Variants in GOLGA3 observed in about 807,000 individuals in gnomAD.
GOLGA3 encodes the protein golgin A3, also known as golgin subfamily A member 3.
GOLGA3 carries 75 observed loss-of-function variants against 169.4 expected under a neutral mutation model. The observed-to-expected ratio is 0.44, with a 90% confidence interval of 0.37 to 0.54. GOLGA3 has a LOEUF of 0.54. Among genes scored for constraint, GOLGA3 ranks in the 20% least tolerant of loss-of-function variants. The probability of loss-of-function intolerance (pLI) is 0.00; values close to 1 mark genes in which losing one functional copy is unlikely to be tolerated. For synonymous variants in GOLGA3, 824 were observed against 822.4 expected, an observed-to-expected ratio of 1.00 and a Z score of -0.03; for missense variants, 1,899 against 1,930.0, an observed-to-expected ratio of 0.98 and a Z score of 0.30.
chr12:132,787,371 C>CCCCCAGGA, intron 13 of GOLGA3, among the ~76,000 whole-genome samples: 1 of 151,930 alleles, frequency 6.6e-6, no homozygotes, highest in South Asian at 2.1e-4. Context: ...CTCCTCCAAA[C>CCCCCAGGA]CCTCAGGACC....
rs955510408 is a variant in GOLGA3, at chr12:132,771,303, C to T, written c.*1802G>A. On this transcript the variant is annotated 3_prime_UTR_variant, in exon 24 of 24. Coordinates refer to ENST00000450791, the MANE Select transcript of GOLGA3 (RefSeq NM_001389683.1). ...CCACAAAACAGACACCAGACACCGA[C>T]ATGAGCACATCTGGCCTGGCCAGTG... 5.9e-5 allele frequency: 9 copies of T among 152,630 alleles called. No individual in the cohort carries two copies. The highest frequency in any genetic ancestry group is 2.2e-4 in the African/African-American group (9 of 41,450). 9.5% of individuals were successfully genotyped at this position (152,630 alleles called of 1,614,324 possible). A position where few individuals can be genotyped will look rare whatever the true frequency, so the allele number is the denominator to read the frequency against.
intron 18 of GOLGA3, 102 bp downstream of exon 18, chr12:132,780,696 T>A: frequency 3.9e-6 from 3 of 763,698 alleles, no homozygotes; most frequent in Non-Finnish European, 6.8e-6. Context: ...CTTTGCTCTG[T>A]GTAACTGCTG....
rs2044894214 is a variant in GOLGA3 at position 132,771,469 on chromosome 12, G to A, written c.*1636C>T. ...CAACTTACAGACCCCACCTCTCCCAGTCAGCCAGTGTCTGCAGGGTTTCAG... is the reference window on the plus strand; with the variant it reads ...CAACTTACAGACCCCACCTCTCCCAATCAGCCAGTGTCTGCAGGGTTTCAG... On this transcript the variant is annotated 3_prime_UTR_variant, in exon 24 of 24. Transcript: ENST00000450791. 6.6e-6 allele frequency: 1 copy of A among 152,124 alleles called. No individual in the cohort carries two copies. Among genetic ancestry groups the A allele is most frequent in the African/African-American group, 2.4e-5 (1 of 41,416 alleles). 9.4% of individuals were successfully genotyped at this position (152,124 alleles called of 1,614,324 possible).
chr12:132,802,668 G>C (rs947735758), intron 7 of GOLGA3, among the ~76,000 whole-genome samples: 3 of 152,054 alleles, frequency 2.0e-5, no homozygotes, highest in Admixed American at 6.5e-5. Context: ...TAAAAAAATA[G>C]AAACAGGATG....
intron 8 of GOLGA3, among the ~76,000 whole-genome samples, chr12:132,801,369 G>C (rs1014059159): frequency 6.6e-6 from 1 of 152,146 alleles, no homozygotes; most frequent in East Asian, 1.9e-4. Flanking sequence ...ACAGCAGAGT[G>C]GGGAGGCTGA....
Position 132,788,986 on chromosome 12 carries a change from G to A in GOLGA3, c.2811+41C>T, listed in dbSNP as rs201384496. ...CACCCTCCCGACAAGCACTTTGGCC[G>A]AATCCTCCCCATCAAATGAGTCAAC... On this transcript the variant is annotated intron_variant, in intron 13 of 23. Coordinates refer to ENST00000450791, the MANE Select transcript of GOLGA3 (RefSeq NM_001389683.1). The A allele has an allele frequency of 1.1e-4, 72 of 676,164 alleles. No homozygotes were observed. The Admixed American group carries it at 1.7e-3, about 16-fold the overall frequency. The allele number at this position is 676,164 out of a possible 1,614,324, so 41.9% of individuals were successfully genotyped here.
chr12:132,777,624 A>G lies in GOLGA3; in HGVS notation c.3722+42T>C. The G allele has an allele frequency of 1.2e-6, 2 of 1,609,334 alleles. No individual in the cohort carries two copies. Among genetic ancestry groups the G allele is most frequent in the Non-Finnish European group, 1.7e-6 (2 of 1,177,480 alleles). On this transcript the variant is annotated intron_variant, in intron 19 of 23. Transcript: ENST00000450791. This position sits in a 1 kb window ranked among gnomAD's most constrained non-coding sequence, Gnocchi z 4.7. ...TGTGAATTAGACCCCGCCCATTGCC[A>G]GGACAGCCATGTTTGAGGGCTGGCG...
At chr12:132,811,770 G>C (rs573644836) in intron 4 of GOLGA3, 3 of 698,350 alleles carry the variant, frequency 4.3e-6, no homozygotes, top group East Asian at 1.4e-4. Flanking sequence ...CCAGATTAAA[G>C]TATTTAAAAA....
Position 132,816,629 on chromosome 12 carries a change from T to G in GOLGA3, c.317A>C (p.Lys106Thr), listed in dbSNP as rs1451362192. 3.1e-6 allele frequency: 5 copies of G among 1,614,012 alleles called. No homozygotes were observed. The highest frequency in any genetic ancestry group is 2.7e-5 in the African/African-American group (2 of 74,936). ...GCCCTCAGCACTAGTTCCCTGAGAC[T>G]TCCTTAGGTTGTCATGGAAACCAGC... ...GVAGFHDNLR[K>T]SQGTSAEGSV... The change falls in exon 3 of 24, where the codon AAG becomes ACG. Residue 106 changes from lysine (K) to threonine (T), a missense_variant. Coordinates refer to ENST00000450791, the MANE Select transcript of GOLGA3 (RefSeq NM_001389683.1).
chr12:132,784,393 G>C, intron 15 of GOLGA3, 86 bp from the exon 16 acceptor site: 1 of 1,171,700 alleles, frequency 8.5e-7, no homozygotes, highest in African/African-American at 1.5e-5. Context: ...GCATGAGGCT[G>C]TGTGGCTGCA....
Position 132,804,287 on chromosome 12 carries a change from T to G in GOLGA3, c.1597+429A>C, listed in dbSNP as rs558973950. On this transcript the variant is annotated intron_variant, in intron 7 of 23. Coordinates refer to ENST00000450791, the MANE Select transcript of GOLGA3 (RefSeq NM_001389683.1). This position sits in a 1 kb window ranked among gnomAD's most constrained non-coding sequence, Gnocchi z 4.1. ...TCTATACTCCCAAATAACACTGGAC[T>G]TTTGAGGCAGGATCACCGCAGATAC... Among the ~76,000 whole-genome samples the G allele has an allele frequency of 3.3e-5, 5 of 152,304 alleles. No homozygotes were observed. The South Asian group carries it at 1.0e-3, about 32-fold the overall frequency.
intron 1 of GOLGA3, 38 bp from the exon 2 acceptor site, chr12:132,822,349 G>A: frequency 7.7e-6 from 9 of 1,164,600 alleles, no homozygotes; most frequent in Non-Finnish European, 1.0e-5. Context: ...TATGAAACTT[G>A]TCAGATTTCA....
rs533854152 is a variant in GOLGA3, at chr12:132,792,382, G to C, written c.2470-1089C>G. ...ACAGCTGCTCAGCAATGCTCTTGCA[G>C]CACAGGCGAGCGAGCAGGGCTGTTA... On this transcript the variant is annotated intron_variant, in intron 11 of 23. Coordinates refer to ENST00000450791, the MANE Select transcript of GOLGA3 (RefSeq NM_001389683.1). Among the ~76,000 whole-genome samples, 10 of 152,370 alleles carry C rather than the reference G, an allele frequency of 6.6e-5. 1 individual carries two copies. Among genetic ancestry groups the C allele is most frequent in the Admixed American group, 6.5e-4 (10 of 15,314 alleles).
At chr12:132,802,051 C>T (rs923100692) in intron 7 of GOLGA3, 82 bp from the exon 8 acceptor site, 28 of 1,093,788 alleles carry the variant, frequency 2.6e-5, no homozygotes, top group Non-Finnish European at 3.3e-5. Context: ...GGACACAAGG[C>T]GGGACTCTCA....
intron 15 of GOLGA3, among the ~76,000 whole-genome samples, chr12:132,785,121 A>G (rs1172052783): frequency 2.0e-5 from 3 of 152,228 alleles, no homozygotes; most frequent in South Asian, 2.1e-4. Flanking sequence ...CGAGGGGTGA[A>G]GCCCGGACGG....
chr12:132,806,459 C>T (rs1949407593), intron 6 of GOLGA3, among the ~76,000 whole-genome samples: 1 of 152,186 alleles, frequency 6.6e-6, no homozygotes, highest in Admixed American at 6.5e-5. Flanking sequence ...TGGTTTGTGT[C>T]CAAGGACCAT....
intron 18 of GOLGA3, among the ~76,000 whole-genome samples, chr12:132,779,943 ACG>A (rs1418992273): frequency 8.4e-6 from 1 of 118,954 alleles, no homozygotes; most frequent in Non-Finnish European, 1.7e-5. Flanking sequence ...CCAGGCACAC[ACG>A]CGTATACAGA....
intron 23 of GOLGA3, 37 bp from the exon 24 acceptor site, chr12:132,773,331 A>T (rs776351702): frequency 4.3e-5 from 56 of 1,309,794 alleles, no homozygotes. Context: ...CCCAGATCAC[A>T]CAAGTGCCAG....
At chr12:132,805,674 G>T (rs181286159) in intron 6 of GOLGA3, among the ~76,000 whole-genome samples, 14 of 152,168 alleles carry the variant, frequency 9.2e-5, no homozygotes, top group Non-Finnish European at 1.8e-4. Flanking sequence ...AGAAAAAGGC[G>T]ACTTTCCAAA....
Sources: gnomAD v4.1 joint callset for allele counts (sites outside exome capture counted in the v4.1 genomes callset) on GRCh38, gnomAD v4.1.1 for gene constraint, Gnocchi (gnomAD v3.1) non-coding constraint, MANE v1.5 for transcripts, NCBI Gene and HGNC (gene_info 2026-07-23, HGNC 2026-07-21) for gene names.